Variants in TAFA1 observed in about 807,000 individuals in gnomAD.
TAFA1 encodes chemokine-like protein TAFA-1.
Under a neutral mutation model 18.5 loss-of-function variants are expected in TAFA1, and 4 were observed. The observed-to-expected ratio is 0.22, with a 90% confidence interval of 0.11 to 0.49. The LOEUF (loss-of-function observed/expected upper bound fraction) is 0.49, where lower values mean the gene tolerates loss of function less well. Among genes scored for constraint, TAFA1 ranks in the 20% least tolerant of loss-of-function variants. TAFA1 has a pLI of 0.98. For synonymous variants in TAFA1, 56 were observed against 55.2 expected (o/e 1.01, Z -0.06); for missense variants, 147 against 169.0 (o/e 0.87, Z 0.72).
intron 3 of TAFA1, among the ~76,000 whole-genome samples, chr3:68,534,749 A>G (rs922912104): frequency 6.6e-6 from 1 of 152,130 alleles, no homozygotes; most frequent in Admixed American, 6.6e-5. Flanking sequence ...CCTAATGTCT[A>G]CATTTTCATT....
chr3:68,283,977 A>G (rs1486680710), intron 2 of TAFA1, among the ~76,000 whole-genome samples: 1 of 152,212 alleles, frequency 6.6e-6, no homozygotes, highest in African/African-American at 2.4e-5. Context: ...CCAAGACCTG[A>G]TATTTCCTGC....
chr3:68,501,504 A>C (rs903177203), intron 3 of TAFA1, among the ~76,000 whole-genome samples: 2 of 152,302 alleles, frequency 1.3e-5, no homozygotes, highest in East Asian at 3.9e-4. Flanking sequence ...TACTTACTTA[A>C]CTCTACTTTC....
intron 2 of TAFA1, among the ~76,000 whole-genome samples, chr3:68,093,130 C>G (rs1389295592): frequency 6.6e-6 from 1 of 152,098 alleles, no homozygotes; most frequent in Non-Finnish European, 1.5e-5. Context: ...TTCGTGTACT[C>G]TCAGTGTTGG....
intron 2 of TAFA1, among the ~76,000 whole-genome samples, chr3:68,397,294 A>G (rs2070400220): frequency 6.6e-6 from 1 of 152,044 alleles, no homozygotes; most frequent in Non-Finnish European, 1.5e-5. Context: ...TATTTGTCCT[A>G]ATGCTGTCCC....
At chr3:68,389,226 G>A (rs993280093) in intron 2 of TAFA1, among the ~76,000 whole-genome samples, 1 of 152,166 alleles carries the variant, frequency 6.6e-6, no homozygotes, top group Non-Finnish European at 1.5e-5. Flanking sequence ...ATGATCGCAT[G>A]TCAACTTAAA....
chr3:68,396,583 C>T (rs1311856695), intron 2 of TAFA1, among the ~76,000 whole-genome samples: 1 of 152,186 alleles, frequency 6.6e-6, no homozygotes, highest in Non-Finnish European at 1.5e-5. Context: ...TAGTCTACTG[C>T]AGTAACATAC....
chr3:68,254,139 ATCTATCTATCTATCTATCTG>A (rs1229131170), intron 2 of TAFA1, among the ~76,000 whole-genome samples: 19 of 139,978 alleles, frequency 1.4e-4, no homozygotes, highest in South Asian at 1.2e-3. Flanking sequence ...GTATGTATCT[ATCTATCTATCTATCTATCTG>A]TCTATCTATC....
chr3:68,274,529 A>G (rs2067753722), intron 2 of TAFA1, among the ~76,000 whole-genome samples: 2 of 152,212 alleles, frequency 1.3e-5, no homozygotes, highest in Non-Finnish European at 2.9e-5. Context: ...TGCAGCTAAT[A>G]TCCTCAAGGA....
rs149590666 is a variant in TAFA1 at position 68,426,535 on chromosome 3, G to C, written c.259+9115G>C. Among the ~76,000 whole-genome samples the C allele has an allele frequency of 3.4e-3, 511 of 151,966 alleles. 1 individual carries two copies. The highest frequency in any genetic ancestry group is 5.3e-3 in the Non-Finnish European group (359 of 67,864). On this transcript the variant is annotated intron_variant, in intron 3 of 4. Coordinates refer to ENST00000478136, the MANE Select transcript of TAFA1 (RefSeq NM_213609.4). The stretch of plus-strand genomic sequence containing the variant: ...AAATGCTTACCGTCACTCACATGAA[G>C]AAATGTAAATTAAACACTGAACTAC...
intron 2 of TAFA1, among the ~76,000 whole-genome samples, chr3:68,374,660 T>C (rs187678109): frequency 6.8e-4 from 104 of 152,296 alleles, no homozygotes; most frequent in African/African-American, 2.2e-3. Flanking sequence ...ATCCCATGTA[T>C]TTCTAAAAAC....
At chr3:68,217,527 G>A (rs2066674369) in intron 2 of TAFA1, among the ~76,000 whole-genome samples, 1 of 151,962 alleles carries the variant, frequency 6.6e-6, no homozygotes, top group Non-Finnish European at 1.5e-5. Flanking sequence ...AGGACATTAA[G>A]TTAAAACTAA....
intron 2 of TAFA1, among the ~76,000 whole-genome samples, chr3:68,105,752 A>G (rs766009771): frequency 1.1e-4 from 17 of 152,214 alleles, no homozygotes; most frequent in East Asian, 1.9e-4. Context: ...GCTTGTCTCT[A>G]TGTCTCTATT....
At chr3:68,097,497 C>T (rs75633516) in intron 2 of TAFA1, among the ~76,000 whole-genome samples, 2,907 of 152,126 alleles carry the variant, frequency 0.019, 90 homozygotes, top group African/African-American at 0.066. Flanking sequence ...TGAAATGGCT[C>T]TATGTATAAT....
intron 2 of TAFA1, among the ~76,000 whole-genome samples, chr3:68,023,037 A>C (rs2106801179): frequency 6.6e-6 from 1 of 150,776 alleles, no homozygotes; most frequent in East Asian, 2.0e-4. Flanking sequence ...ACTTGTTCAA[A>C]GTGCACAGTT....
At position 68,191,754 on chromosome 3, in the gene TAFA1, T is replaced by C. The variant is rs142965134; in HGVS notation, c.118+185010T>C. ...CATATTAGGTAAACTTGGTTTCATATAGATTTTGTACAAATACAAGCCCAT... is the reference window on the plus strand; with the variant it reads ...CATATTAGGTAAACTTGGTTTCATACAGATTTTGTACAAATACAAGCCCAT... On this transcript the variant is annotated intron_variant, in intron 2 of 4. Coordinates refer to ENST00000478136, the MANE Select transcript of TAFA1 (RefSeq NM_213609.4). Among the ~76,000 whole-genome samples the C allele has an allele frequency of 2.6e-5, 4 of 151,900 alleles. No homozygotes were observed. In the East Asian group the frequency reaches 5.9e-4, roughly 22 times the overall value.
chr3:68,418,340 G>T (rs945617472), intron 3 of TAFA1, among the ~76,000 whole-genome samples: 3 of 151,974 alleles, frequency 2.0e-5, no homozygotes, highest in African/African-American at 7.3e-5. Flanking sequence ...GCAGAGTGGG[G>T]GTCGCAAGGT....
intron 2 of TAFA1, among the ~76,000 whole-genome samples, chr3:68,060,194 G>T (rs1393053529): frequency 7.0e-6 from 1 of 143,000 alleles, no homozygotes; most frequent in Non-Finnish European, 1.6e-5. Context: ...CTGTGTGTGT[G>T]TGTGTGTGTT....
At chr3:68,447,344 TTGAC>T (rs1020899334) in intron 3 of TAFA1, among the ~76,000 whole-genome samples, 64 of 152,324 alleles carry the variant, frequency 4.2e-4, no homozygotes, top group African/African-American at 1.5e-3. Context: ...TTGTCAGTCA[TTGAC>T]TGGCTGTCTA....
intron 2 of TAFA1, among the ~76,000 whole-genome samples, chr3:68,149,909 C>A (rs2065785373): frequency 6.6e-6 from 1 of 152,110 alleles, no homozygotes; most frequent in Admixed American, 6.5e-5. Flanking sequence ...GGAGATGGAG[C>A]TGGGGGCTGG....
Sources: gnomAD v4.1 joint callset for allele counts (sites outside exome capture counted in the v4.1 genomes callset) on GRCh38, gnomAD v4.1.1 for gene constraint, MANE v1.5 for transcripts, NCBI Gene and HGNC (gene_info 2026-07-23, HGNC 2026-07-21) for gene names.